The following ZDHHC18 variants were observed in gnomAD, a reference collection of about 807,000 sequenced individuals.
ZDHHC18 encodes palmitoyltransferase ZDHHC18.
A neutral mutation model predicts 37.5 loss-of-function variants in ZDHHC18; 23 were observed. That is an observed-to-expected ratio of 0.61 (90% CI 0.44 to 0.87). The LOEUF is 0.87. Among genes scored for constraint, ZDHHC18 ranks in the 40% least tolerant of loss-of-function variants. The pLI, the probability that ZDHHC18 is intolerant of heterozygous loss-of-function variation, is 0.00. For synonymous variants in ZDHHC18, 185 were observed against 218.7 expected (o/e 0.85, Z 1.36); for missense variants, 406 against 525.6 (o/e 0.77, Z 2.22).
chr1:26,833,834 G>T (rs1048762900), intron 2 of ZDHHC18, among the ~76,000 whole-genome samples: 1 of 152,092 alleles, frequency 6.6e-6, no homozygotes, highest in African/African-American at 2.4e-5. Flanking sequence ...TCAGAGCCCT[G>T]CTGCATCCAT....
At chr1:26,852,957 C>T (rs1557646537) in intron 7 of ZDHHC18, 92 bp downstream of exon 7, 1 of 1,099,074 alleles carries the variant, frequency 9.1e-7, no homozygotes, top group Non-Finnish European at 1.3e-6. Context: ...CCCCCTACAC[C>T]CTAGATGCCC....
At chr1:26,829,949 G>T (rs961120595) in intron 1 of ZDHHC18, among the ~76,000 whole-genome samples, 2 of 152,192 alleles carry the variant, frequency 1.3e-5, no homozygotes, top group South Asian at 2.1e-4. Flanking sequence ...GATTGCATAT[G>T]AACTGGATTC....
chr1:26,852,677 C>A, intron 6 of ZDHHC18, 76 bp from the exon 7 acceptor site: 2 of 1,312,408 alleles, frequency 1.5e-6, no homozygotes, highest in Non-Finnish European at 2.2e-6. Context: ...TCCAGTTGTC[C>A]CCAGCCTCTA....
Position 26,850,607 on chromosome 1 carries a change from A to T in ZDHHC18, c.833+1A>T. On this transcript the variant is annotated splice_donor_variant, in intron 5 of 7. Transcript: ENST00000374142. LOFTEE classifies it high-confidence loss of function. This position sits in a 1 kb window ranked among gnomAD's most constrained non-coding sequence, Gnocchi z 6.1. ...CCACTCTGAAGGAGACACCAGCAAG[A>T]TATCCTTTGTCAGCTAGAGGACACT... 1.9e-6 allele frequency: 3 copies of T among 1,614,120 alleles called. No homozygotes were observed. The highest frequency in any genetic ancestry group is 2.5e-6 in the Non-Finnish European group (3 of 1,180,014).
Position 26,857,453 on chromosome 1 carries a change from G to GC in ZDHHC18, c.*3612dup, listed in dbSNP as rs1408364241. On this transcript the variant is annotated 3_prime_UTR_variant, in exon 8 of 8. Transcript: ENST00000374142. ...CTCTAGGCACTGAGGGACCAAGCTA[G>GC]CCGTGCACAGCCCCATACACTTCAG... 1 of 152,240 alleles carries GC rather than the reference G, an allele frequency of 6.6e-6. No homozygotes were observed. Among genetic ancestry groups the GC allele is most frequent in the Non-Finnish European group, 1.5e-5 (1 of 68,082 alleles). The allele number at this position is 152,240 out of a possible 1,614,324, so 9.4% of individuals were successfully genotyped here.
chr1:26,837,846 C>CAA (rs2081620590), intron 2 of ZDHHC18, among the ~76,000 whole-genome samples: 1 of 152,122 alleles, frequency 6.6e-6, no homozygotes, highest in Admixed American at 6.6e-5. Context: ...CCAGCCACTG[C>CAA]TCTTCTCCTA....
chr1:26,828,366 C>A (rs2081568791), intron 1 of ZDHHC18, among the ~76,000 whole-genome samples: 3 of 152,050 alleles, frequency 2.0e-5, no homozygotes, highest in African/African-American at 7.2e-5. Context: ...TCACTTCACC[C>A]CCTCAGTGCC....
rs1236835235 is a variant in ZDHHC18, at chr1:26,848,655, G to T, written c.544G>T (p.Val182Leu). The T allele has an allele frequency of 6.2e-7, 1 of 1,614,012 alleles. No homozygotes were observed. Among genetic ancestry groups the T allele is most frequent in the African/African-American group, 1.3e-5 (1 of 74,918 alleles). ...CCGGCCACCCCCTCGGACCCGGGAG[G>T]TGCTGATCAACGGGCAGATGGTGAA... ...TYRPPPRTREVLINGQMVKLK... is the reference protein window; with the variant it reads ...TYRPPPRTRELLINGQMVKLK... The change falls in exon 3 of 8, where the codon GTG becomes TTG. Residue 182 changes from valine (V) to leucine (L), a missense_variant. Val to Leu is a conservative substitution (Grantham distance 32). Coordinates refer to ENST00000374142, the MANE Select transcript of ZDHHC18 (RefSeq NM_032283.3).
At chr1:26,848,552 A>T in intron 2 of ZDHHC18, 56 bp from the exon 3 acceptor site, 4 of 1,579,636 alleles carry the variant, frequency 2.5e-6, no homozygotes, top group Non-Finnish European at 3.5e-6. Context: ...CCTGCTGGGG[A>T]TCCGGGCCCT....
At chr1:26,840,522 C>T (rs1468394168) in intron 2 of ZDHHC18, among the ~76,000 whole-genome samples, 1 of 151,932 alleles carries the variant, frequency 6.6e-6, no homozygotes, top group Non-Finnish European at 1.5e-5. Context: ...ATCACTTCAA[C>T]TTCCACCTCC....
At chr1:26,832,380 T>G (rs1293826440) in intron 1 of ZDHHC18, 67 bp from the exon 2 acceptor site, 1 of 1,577,954 alleles carries the variant, frequency 6.3e-7, no homozygotes, top group East Asian at 2.3e-5. Flanking sequence ...GCCTGCCACG[T>G]GCTGTAGCCC....
intron 2 of ZDHHC18, among the ~76,000 whole-genome samples, chr1:26,834,939 T>G (rs1415990839): frequency 1.3e-5 from 2 of 152,218 alleles, no homozygotes; most frequent in African/African-American, 4.8e-5. Flanking sequence ...GTGGGAGCCC[T>G]GACCAGCCAC....
intron 2 of ZDHHC18, among the ~76,000 whole-genome samples, chr1:26,841,341 C>T (rs184599502): frequency 1.3e-5 from 2 of 152,084 alleles, no homozygotes; most frequent in African/African-American, 4.8e-5. Flanking sequence ...ACTATGTTAC[C>T]CAGGCTGATC....
In ZDHHC18 at chr1:26,835,151, G is replaced by A. The variant is rs2081605941; in HGVS notation, c.496+2544G>A. ...AGAGAGTGGCAGAGGGAAGGAGGAG[G>A]GATGGGAACGGGCCACTGAGCAGGC... On this transcript the variant is annotated intron_variant, in intron 2 of 7. Coordinates refer to ENST00000374142, the MANE Select transcript of ZDHHC18 (RefSeq NM_032283.3). Among the ~76,000 whole-genome samples the A allele has an allele frequency of 3.9e-5, 6 of 152,218 alleles. No homozygotes were observed. The South Asian group carries it at 1.2e-3, about 31-fold the overall frequency.
At chr1:26,830,505 ACTAT>A (rs978086445) in intron 1 of ZDHHC18, among the ~76,000 whole-genome samples, 12 of 151,974 alleles carry the variant, frequency 7.9e-5, no homozygotes, top group Admixed American at 6.5e-4. Context: ...TAGTACAGTA[ACTAT>A]CTACATAGTA....
chr1:26,846,112 G>GTA (rs201741401), intron 2 of ZDHHC18, among the ~76,000 whole-genome samples: 6 of 132,758 alleles, frequency 4.5e-5, no homozygotes, highest in South Asian at 4.7e-4. Context: ...TTGTGTGTGT[G>GTA]TATATATATA....
chr1:26,830,770 TTTGTTGTTGTTGTTG>T (rs67399497), intron 1 of ZDHHC18, among the ~76,000 whole-genome samples: 1 of 150,438 alleles, frequency 6.6e-6, no homozygotes, highest in Non-Finnish European at 1.5e-5. Flanking sequence ...TTTATGTTTG[TTTGTTGTTGTTGTTG>T]TTGTTGTTGT....
At chr1:26,846,146 A>G (rs556495117) in intron 2 of ZDHHC18, among the ~76,000 whole-genome samples, 12 of 148,374 alleles carry the variant, frequency 8.1e-5, no homozygotes, top group Admixed American at 4.1e-4. Context: ...ATATGTGTGT[A>G]TATATATACA....
At chr1:26,837,514 C>G (rs1045299080) in intron 2 of ZDHHC18, among the ~76,000 whole-genome samples, 3 of 150,686 alleles carry the variant, frequency 2.0e-5, no homozygotes, top group East Asian at 3.9e-4. Flanking sequence ...GAGTCTCGCT[C>G]TGTCACCCAG....
Sources: gnomAD v4.1 joint callset for allele counts (sites outside exome capture counted in the v4.1 genomes callset) on GRCh38, gnomAD v4.1.1 for gene constraint, Gnocchi (gnomAD v3.1) non-coding constraint, MANE v1.5 for transcripts, NCBI Gene and HGNC (gene_info 2026-07-23, HGNC 2026-07-21) for gene names.